The following FASTKD5 variants were observed in gnomAD, a reference collection of about 807,000 sequenced individuals.
The protein encoded by FASTKD5 is FAST kinase domains 5, also known as non-canonical pre-mRNAs endonuclease FASTKD5, mitochondrial.
Under a neutral mutation model 44.0 loss-of-function variants are expected in FASTKD5, and 30 were observed. The ratio of observed to expected loss-of-function variants is 0.68; its 90% confidence interval spans 0.51 to 0.93. FASTKD5 has a LOEUF of 0.93. FASTKD5 is among the 40% of genes least tolerant of loss of function. The pLI, the probability that FASTKD5 is intolerant of heterozygous loss-of-function variation, is 0.00. For synonymous variants in FASTKD5, 335 were observed against 342.2 expected, an observed-to-expected ratio of 0.98 and a Z score of 0.23; for missense variants, 868 against 908.2, an observed-to-expected ratio of 0.96 and a Z score of 0.57.
Position 3,147,071 on chromosome 20 carries a change from C to G in FASTKD5, c.2000G>C (p.Gly667Ala). The G allele has an allele frequency of 6.2e-7, 1 of 1,614,078 alleles. No individual in the cohort carries two copies. Among genetic ancestry groups the G allele is most frequent in the Non-Finnish European group, 8.5e-7 (1 of 1,180,024 alleles). ...LENKAAVPLG[G>A]FLCNVADKSG... ...TTTATCTGCTACATTGCAAAGGAAGCCCCCCAGAGGTACAGCTGCCTTATT... is the reference window on the plus strand; with the variant it reads ...TTTATCTGCTACATTGCAAAGGAAGGCCCCCAGAGGTACAGCTGCCTTATT... The change falls in exon 2 of 2, where the codon GGC (glycine) becomes GCC (alanine). Residue 667 changes from glycine (G) to alanine (A), a missense_variant. Physicochemically the swap from Gly to Ala is moderately conservative, Grantham distance 60 (BLOSUM62 0). Transcript: ENST00000380266.
At position 3,146,523 on chromosome 20, in the gene FASTKD5, T is replaced by C. The variant is rs1337388798; in HGVS notation, c.*253A>G. Reference sequence around the variant, plus strand: ...AAAGAAAAATCCAACAAGGACTTACTTGACCGTAGGACATATTAAGATGTT... The same window carrying C: ...AAAGAAAAATCCAACAAGGACTTACCTGACCGTAGGACATATTAAGATGTT... On this transcript the variant is annotated 3_prime_UTR_variant, in exon 2 of 2. Coordinates refer to ENST00000380266, the MANE Select transcript of FASTKD5 (RefSeq NM_021826.5). 1.5e-5 allele frequency: 6 copies of C among 396,964 alleles called. No homozygotes were observed. The highest frequency in any genetic ancestry group is 2.7e-5 in the Non-Finnish European group (6 of 223,356). The allele number at this position is 396,964 out of a possible 1,614,324, so 24.6% of individuals were successfully genotyped here. A position where few individuals can be genotyped will look rare whatever the true frequency, so the allele number is the denominator to read the frequency against.
intron 1 of FASTKD5, chr20:3,152,036 C>T (rs1186703441): frequency 3.0e-5 from 4 of 133,682 alleles, no homozygotes; most frequent in Non-Finnish European, 6.2e-5. Flanking sequence ...ACCCAGGAGG[C>T]GGAGGTTGCA....
intron 1 of FASTKD5, among the ~76,000 whole-genome samples, chr20:3,152,481 G>A (rs146441703): frequency 5.8e-4 from 88 of 152,094 alleles, no homozygotes; most frequent in African/African-American, 2.0e-3. Flanking sequence ...CAGCCCGGGC[G>A]ATAGTGCAAG....
At position 3,146,996 on chromosome 20, in the gene FASTKD5, G is replaced by C. The variant is rs954906918; in HGVS notation, c.2075C>G (p.Thr692Ser). ...CTGAACAGCCAGCTTCATTCTTGGGGTCTGCATGCAGGCTGCGGGGCACAG... is the reference window on the plus strand; with the variant it reads ...CTGAACAGCCAGCTTCATTCTTGGGCTCTGCATGCAGGCTGCGGGGCACAG... ...AGLCPAACMQTPRMKLAVQFT... is the reference protein window; with the variant it reads ...AGLCPAACMQSPRMKLAVQFT... The change falls in exon 2 of 2, where the codon ACC becomes AGC. Residue 692 changes from threonine to serine, a missense_variant. Transcript: ENST00000380266. 2 of 1,614,020 alleles carry C rather than the reference G, an allele frequency of 1.2e-6. No individual in the cohort carries two copies. Among genetic ancestry groups the C allele is most frequent in the African/African-American group, 2.7e-5 (2 of 74,906 alleles).
In FASTKD5 at chr20:3,156,129, G is replaced by A. The variant is rs551694076; in HGVS notation, c.-191+3637C>T. ...CTCTCAGAAAATCCATAGGAAAGCT[G>A]GAAAGAGAACACTATGAGATGCTCA... On this transcript the variant is annotated intron_variant, in intron 1 of 1. Coordinates refer to ENST00000380266, the MANE Select transcript of FASTKD5 (RefSeq NM_021826.5). Among the ~76,000 whole-genome samples the A allele has an allele frequency of 1.6e-4, 25 of 151,710 alleles. No homozygotes were observed. In the East Asian group the frequency reaches 4.5e-3, roughly 27 times the overall value.
intron 1 of FASTKD5, among the ~76,000 whole-genome samples, chr20:3,157,073 C>G (rs562494258): frequency 5.9e-5 from 9 of 151,296 alleles, no homozygotes; most frequent in African/African-American, 2.2e-4. Context: ...CCAGTCTGGG[C>G]TACATGGCGA....
Position 3,147,997 on chromosome 20 carries a change from A to T in FASTKD5, c.1074T>A (p.Asn358Lys). The T allele has an allele frequency of 6.2e-7, 1 of 1,614,222 alleles. No homozygotes were observed. Among genetic ancestry groups the T allele is most frequent in the Non-Finnish European group, 8.5e-7 (1 of 1,180,038 alleles). Reference protein sequence around the residue: ...IQHLSSRSLVNIVKMFRFTHV... With the variant: ...IQHLSSRSLVKIVKMFRFTHV... ...GAGTGAAACGGAACATTTTAACAAT[A>T]TTCACTAAGGAGCGACTACTCAGAT... The change falls in exon 2 of 2, where the codon AAT (asparagine) becomes AAA (lysine). Residue 358 changes from asparagine (N) to lysine (K), a missense_variant. Transcript: ENST00000380266.
intron 1 of FASTKD5, among the ~76,000 whole-genome samples, chr20:3,153,411 T>C (rs1296509856): frequency 6.6e-6 from 1 of 152,236 alleles, no homozygotes; most frequent in Admixed American, 6.5e-5. Context: ...CCCATCCTTA[T>C]AACATCTCTG....
intron 1 of FASTKD5, among the ~76,000 whole-genome samples, chr20:3,153,590 A>G (rs2066653908): frequency 6.6e-6 from 1 of 152,226 alleles, no homozygotes; most frequent in Non-Finnish European, 1.5e-5. Flanking sequence ...GGATGTCAGA[A>G]AACAGGTTCG....
chr20:3,151,634 A>T (rs1378292346), intron 1 of FASTKD5: 1 of 151,882 alleles, frequency 6.6e-6, no homozygotes, highest in Non-Finnish European at 1.5e-5. Flanking sequence ...ATAAAATAAA[A>T]TAAAAAATAA....
chr20:3,147,315 G>A lies in FASTKD5; in HGVS notation c.1756C>T (p.Arg586Ter), dbSNP rs771912842. ...AGCTGGACCTCTAAGTCAGAAGATCGGGTATGAGGCAAAATCATATGGTGC... is the reference window on the plus strand; with the variant it reads ...AGCTGGACCTCTAAGTCAGAAGATCAGGTATGAGGCAAAATCATATGGTGC... Reference protein sequence around the residue: ...VKHHMILPHTRSSDLEVQLDV... With the variant: ...VKHHMILPHT Residue 586 changes from arginine (R) to a stop codon, truncating the protein, a stop_gained, in exon 2 of 2, where the codon CGA becomes TGA. Transcript: ENST00000380266. LOFTEE classifies it low-confidence loss of function (END_TRUNC). The A allele has an allele frequency of 1.2e-5, 20 of 1,614,048 alleles. No individual in the cohort carries two copies. The highest frequency in any genetic ancestry group is 1.7e-5 in the Admixed American group (1 of 59,988).
chr20:3,148,893 A>AT lies in FASTKD5; in HGVS notation c.177dup (p.Cys60MetfsTer2). 8 of 1,614,190 alleles carry AT rather than the reference A, an allele frequency of 5.0e-6. No homozygotes were observed. Among genetic ancestry groups the AT allele is most frequent in the Non-Finnish European group, 6.8e-6 (8 of 1,180,028 alleles). On this transcript the variant is annotated frameshift_variant, in exon 2 of 2. Coordinates refer to ENST00000380266, the MANE Select transcript of FASTKD5 (RefSeq NM_021826.5). LOFTEE classifies it high-confidence loss of function. ...ATTCTCCGAGAAGAGAAGGTGCTAC[A>AT]TATGTTCTTAACTTTTTTGGCAGAA...
chr20:3,158,747 T>G (rs1476950101), intron 1 of FASTKD5, among the ~76,000 whole-genome samples: 1 of 152,258 alleles, frequency 6.6e-6, no homozygotes, highest in African/African-American at 2.4e-5. Context: ...GTGCTGGGAT[T>G]ACAGGCGTGA....
chr20:3,158,243 T>A (rs141500673), intron 1 of FASTKD5, among the ~76,000 whole-genome samples: 181 of 152,224 alleles, frequency 1.2e-3, no homozygotes, highest in African/African-American at 3.9e-3. Flanking sequence ...AGTGCTGGGA[T>A]TACAGGCATG....
chr20:3,159,864 G>GC lies in FASTKD5; in HGVS notation c.-290dup, dbSNP rs2122143969. 6.6e-6 allele frequency: 1 copy of GC among 152,432 alleles called. No individual in the cohort carries two copies. Among genetic ancestry groups the GC allele is most frequent in the East Asian group, 1.9e-4 (1 of 5,192 alleles). 9.4% of individuals were successfully genotyped at this position (152,432 alleles called of 1,614,324 possible). A position where few individuals can be genotyped will look rare whatever the true frequency, so the allele number is the denominator to read the frequency against. ...TCCTCCGGCGACTCCGAGCCTCACA[G>GC]CCCCACTTCCGGCCAACTGCCCGCT... On this transcript the variant is annotated 5_prime_UTR_variant, in exon 1 of 2. Coordinates refer to ENST00000380266, the MANE Select transcript of FASTKD5 (RefSeq NM_021826.5).
At chr20:3,151,261 G>C (rs1214529921) in intron 1 of FASTKD5, among the ~76,000 whole-genome samples, 1 of 152,204 alleles carries the variant, frequency 6.6e-6, no homozygotes, top group Non-Finnish European at 1.5e-5. Flanking sequence ...AGGGTGAGCA[G>C]ACTATGTCCT....
At position 3,148,783 on chromosome 20, in the gene FASTKD5, G is replaced by C. The variant is rs200117497; in HGVS notation, c.288C>G (p.Pro96=). Residue 96 remains proline (P), a synonymous_variant, in exon 2 of 2, where the codon CCC becomes CCG. Coordinates refer to ENST00000380266, the MANE Select transcript of FASTKD5 (RefSeq NM_021826.5). ...SKASTLQLGS[P]RATGVDEEDV... is the part of the protein sequence containing the mutation. ...CCTCTTCATCAACTCCTGTGGCCCT[G>C]GGTGAGCCCAGCTGCAATGTACTGG... is the stretch of plus-strand genomic sequence containing the variant. The C allele has an allele frequency of 1.2e-6, 2 of 1,614,198 alleles. No individual in the cohort carries two copies. The highest frequency in any genetic ancestry group is 8.5e-7 in the Non-Finnish European group (1 of 1,180,028).
rs762169772 is a variant in FASTKD5 at position 3,147,489 on chromosome 20, A to T, written c.1582T>A (p.Tyr528Asn). The T allele has an allele frequency of 6.2e-7, 1 of 1,614,200 alleles. No homozygotes were observed. Among genetic ancestry groups the T allele is most frequent in the Non-Finnish European group, 8.5e-7 (1 of 1,180,036 alleles). The part of the protein sequence containing the change: ...DGTVGIECPD[Y>N]RGNRLSTHLQ... ...TGAGTACTAAGACGATTGCCTCTGTAATCTGGACACTCAATGCCAACTGTA... is the reference window on the plus strand; with the variant it reads ...TGAGTACTAAGACGATTGCCTCTGTTATCTGGACACTCAATGCCAACTGTA... Residue 528 changes from tyrosine (Y) to asparagine (N), a missense_variant, in exon 2 of 2, where the codon TAC (tyrosine) becomes AAC (asparagine). By Grantham distance (143) the Tyr-to-Asn change is moderately radical. Transcript: ENST00000380266.
At position 3,146,728 on chromosome 20, in the gene FASTKD5, T is replaced by G. The variant is rs755925367; in HGVS notation, c.*48A>C. On this transcript the variant is annotated 3_prime_UTR_variant, in exon 2 of 2. Coordinates refer to ENST00000380266, the MANE Select transcript of FASTKD5 (RefSeq NM_021826.5). The stretch of plus-strand genomic sequence containing the variant: ...TTTATAATCATTTTGCAACACCTGG[T>G]ACAGTATACACCTATAGCTTTGCCA... 5.1e-6 allele frequency: 8 copies of G among 1,557,538 alleles called. No homozygotes were observed. The highest frequency in any genetic ancestry group is 2.0e-5 in the Admixed American group (1 of 50,668).
Sources: gnomAD v4.1 joint callset for allele counts (sites outside exome capture counted in the v4.1 genomes callset) on GRCh38, gnomAD v4.1.1 for gene constraint, MANE v1.5 for transcripts, NCBI Gene and HGNC (gene_info 2026-07-23, HGNC 2026-07-21) for gene names.